Variants in MEI4 observed in about 807,000 individuals in gnomAD.
MEI4 encodes meiosis-specific protein MEI4.
Under a neutral mutation model 31.4 loss-of-function variants are expected in MEI4, and 27 were observed. The ratio of observed to expected loss-of-function variants is 0.86; its 90% CI spans 0.63 to 1.19. MEI4 has a LOEUF of 1.19. MEI4 is among the 50% of genes most tolerant of loss of function. The pLI, the probability that MEI4 is intolerant of heterozygous loss-of-function variation, is 0.00. For synonymous variants in MEI4, 122 were observed against 145.4 expected, an observed-to-expected ratio of 0.84 and a Z score of 1.16; for missense variants, 329 against 398.9, an observed-to-expected ratio of 0.82 and a Z score of 1.49.
chr6:77,867,741 C>A (rs1771079413), intron 4 of MEI4, among the ~76,000 whole-genome samples: 1 of 151,264 alleles, frequency 6.6e-6, no homozygotes, highest in African/African-American at 2.4e-5. Context: ...GATTATGAGT[C>A]ATGCTGCTAT....
intron 3 of MEI4, among the ~76,000 whole-genome samples, chr6:77,779,658 G>GT (rs1404926132): frequency 5.3e-5 from 8 of 152,036 alleles, no homozygotes; most frequent in Non-Finnish European, 8.8e-5. Flanking sequence ...TACCATAGCT[G>GT]TTTTTTTGTT....
intron 2 of MEI4, among the ~76,000 whole-genome samples, chr6:77,701,222 A>T (rs1766214861): frequency 1.3e-5 from 2 of 152,126 alleles, no homozygotes. Flanking sequence ...GGGACTCTTA[A>T]TGTTGGCAAG....
chr6:77,920,212 AC>A (rs1766670892), intron 4 of MEI4, among the ~76,000 whole-genome samples: 2 of 151,972 alleles, frequency 1.3e-5, no homozygotes, highest in South Asian at 4.2e-4. Context: ...AGAATTTTAG[AC>A]CAATATCCTT....
intron 1 of MEI4, among the ~76,000 whole-genome samples, chr6:77,660,464 G>A (rs976665765): frequency 2.0e-5 from 3 of 151,626 alleles, no homozygotes; most frequent in Admixed American, 6.6e-5. Context: ...GTAAACCGGC[G>A]GTGTAAACAA....
At chr6:77,835,714 A>G (rs2127713223) in intron 4 of MEI4, among the ~76,000 whole-genome samples, 1 of 152,256 alleles carries the variant, frequency 6.6e-6, no homozygotes, top group East Asian at 1.9e-4. Context: ...AGATCTGTAT[A>G]AGGATGTTCA....
chr6:77,676,006 T>TC (rs1419616473), intron 1 of MEI4, among the ~76,000 whole-genome samples: 1 of 152,154 alleles, frequency 6.6e-6, no homozygotes, highest in Non-Finnish European at 1.5e-5. Flanking sequence ...AGTTATACAA[T>TC]CATAGTCTAG....
At chr6:77,736,061 C>G (rs539634189) in intron 2 of MEI4, among the ~76,000 whole-genome samples, 5 of 152,180 alleles carry the variant, frequency 3.3e-5, no homozygotes, top group African/African-American at 1.2e-4. Context: ...ACTTTTAAGT[C>G]TGCAGAGGTT....
chr6:77,740,065 G>A lies in MEI4; in HGVS notation c.233-21065G>A, dbSNP rs139775979. 1.4e-3 allele frequency among the ~76,000 whole-genome samples: 211 copies of A among 152,256 alleles called. 1 individual carries two copies. The highest frequency in any genetic ancestry group is 4.5e-3 in the African/African-American group (185 of 41,540). On this transcript the variant is annotated intron_variant, in intron 2 of 4. Transcript: ENST00000684080. ...CCTTAATTGCATTATTTACCCCAAA[G>A]TCATTCAGGAGCAGGTTATTCACTT...
intron 1 of MEI4, among the ~76,000 whole-genome samples, chr6:77,670,969 TGTG>T (rs996738626): frequency 2.0e-5 from 3 of 152,104 alleles, no homozygotes; most frequent in African/African-American, 4.8e-5. Flanking sequence ...ATGTTTCTGA[TGTG>T]GTCTGATCAT....
chr6:77,664,627 GTAGAAAGGAAGAT>G (rs1385079371), intron 1 of MEI4, among the ~76,000 whole-genome samples: 1 of 152,026 alleles, frequency 6.6e-6, no homozygotes, highest in Non-Finnish European at 1.5e-5. Context: ...AGATGGGTCT[GTAGAAAGGAAGAT>G]TAGAAAGACT....
At chr6:77,903,967 A>G (rs1292114833) in intron 4 of MEI4, among the ~76,000 whole-genome samples, 2 of 152,106 alleles carry the variant, frequency 1.3e-5, no homozygotes, top group Admixed American at 6.6e-5. Context: ...AGTCACTTGT[A>G]GGCAGCATTT....
At chr6:77,866,790 C>T (rs1253038800) in intron 4 of MEI4, among the ~76,000 whole-genome samples, 2 of 152,172 alleles carry the variant, frequency 1.3e-5, no homozygotes, top group East Asian at 3.8e-4. Context: ...AAGAACAAAG[C>T]TGGAGGCATC....
chr6:77,847,527 T>A lies in MEI4; in HGVS notation c.900+18465T>A, dbSNP rs1770518061. ...ATGCATTTCAATAATATACCTTTAC[T>A]GATTGTTTTTCTCTTGTTTCCTGTG... On this transcript the variant is annotated intron_variant, in intron 4 of 4. Coordinates refer to ENST00000684080, the MANE Select transcript of MEI4 (RefSeq NM_001322247.2). The surrounding 1 kb of genome is among the most constrained non-coding windows in gnomAD (Gnocchi z 4.6). Among the ~76,000 whole-genome samples, 1 of 152,182 alleles carries A rather than the reference T, an allele frequency of 6.6e-6. No homozygotes were observed. Among genetic ancestry groups the A allele is most frequent in the Admixed American group, 6.6e-5 (1 of 15,262 alleles).
chr6:77,757,362 G>A (rs1440389476), intron 2 of MEI4, among the ~76,000 whole-genome samples: 1 of 152,156 alleles, frequency 6.6e-6, no homozygotes, highest in Non-Finnish European at 1.5e-5. Context: ...TTCTTTGTGT[G>A]TTTTTCCATA....
intron 3 of MEI4, among the ~76,000 whole-genome samples, chr6:77,788,179 A>C (rs1373847822): frequency 6.6e-6 from 1 of 152,228 alleles, no homozygotes; most frequent in African/African-American, 2.4e-5. Flanking sequence ...AGATGCAGAA[A>C]AGGCCTTTGA....
In MEI4 at chr6:77,868,914, A is replaced by G. The variant is rs9448237; in HGVS notation, c.900+39852A>G. On this transcript the variant is annotated intron_variant, in intron 4 of 4. Coordinates refer to ENST00000684080, the MANE Select transcript of MEI4 (RefSeq NM_001322247.2). The stretch of plus-strand genomic sequence containing the variant: ...AGTAGAAAAGAAGAGATTGGTAACT[A>G]GAAGAACAGCACCCATGGTTCATAC... Among the ~76,000 whole-genome samples the G allele has an allele frequency of 6.9e-3, 1,055 of 152,196 alleles. 13 individuals are homozygous for G. The highest frequency in any genetic ancestry group is 0.024 in the African/African-American group (996 of 41,546).
chr6:77,798,370 A>G (rs947693642), intron 3 of MEI4, among the ~76,000 whole-genome samples: 4 of 151,610 alleles, frequency 2.6e-5, no homozygotes, highest in Non-Finnish European at 5.9e-5. Flanking sequence ...ATTAATATTA[A>G]TAATTAAAAT....
At chr6:77,662,086 A>G (rs1467637790) in intron 1 of MEI4, among the ~76,000 whole-genome samples, 1 of 152,174 alleles carries the variant, frequency 6.6e-6, no homozygotes, top group African/African-American at 2.4e-5. Flanking sequence ...TGACTGCATG[A>G]TGGTGCAGAA....
At chr6:77,919,599 A>C (rs1321354944) in intron 4 of MEI4, among the ~76,000 whole-genome samples, 1 of 151,852 alleles carries the variant, frequency 6.6e-6, no homozygotes, top group Admixed American at 6.6e-5. Flanking sequence ...CTACAAAAGC[A>C]AGAGCAAACA....
Sources: gnomAD v4.1 joint callset for allele counts (sites outside exome capture counted in the v4.1 genomes callset) on GRCh38, gnomAD v4.1.1 for gene constraint, Gnocchi (gnomAD v3.1) non-coding constraint, MANE v1.5 for transcripts, NCBI Gene and HGNC (gene_info 2026-07-23, HGNC 2026-07-21) for gene names.